The following POLR3GL variants were observed in gnomAD, a reference collection of about 807,000 sequenced individuals.
The protein encoded by POLR3GL is DNA-directed RNA polymerase III subunit RPC7-like.
POLR3GL carries 26 observed loss-of-function variants against 32.4 expected under a neutral mutation model. That is an observed-to-expected ratio of 0.80 (90% CI 0.59 to 1.11). The LOEUF is 1.11. Ranked by LOEUF, POLR3GL falls within the 50% of genes most tolerant of loss-of-function variation. The pLI, the probability that POLR3GL is intolerant of heterozygous loss-of-function variation, is 0.00. For synonymous variants in POLR3GL, 95 were observed against 98.7 expected (o/e 0.96, Z 0.22); for missense variants, 229 against 280.1 (o/e 0.82, Z 1.30).
At chr1:145,966,028 A>C (rs1650003562) in intron 1 of POLR3GL, among the ~76,000 whole-genome samples, 1 of 150,934 alleles carries the variant, frequency 6.6e-6, no homozygotes, top group Admixed American at 6.6e-5. Context: ...AGGCAGGAGA[A>C]TCATTAGAAC....
chr1:145,971,160 G>A (rs1462006087), intron 1 of POLR3GL, among the ~76,000 whole-genome samples: 3 of 138,080 alleles, frequency 2.2e-5, no homozygotes, highest in Admixed American at 7.4e-5. Context: ...CACTCCAGCC[G>A]GGCAACAAGA....
intron 2 of POLR3GL, 94 bp from the exon 3 acceptor site, chr1:145,975,213 C>T: frequency 6.6e-7 from 1 of 1,505,740 alleles, no homozygotes; most frequent in East Asian, 2.3e-5. Flanking sequence ...GCCCTCTGCT[C>T]AGTGGGAGTG....
chr1:145,977,753 G>A (rs370194404), intron 5 of POLR3GL, 25 bp from the exon 6 acceptor site: 10 of 1,611,902 alleles, frequency 6.2e-6, no homozygotes, highest in Middle Eastern at 1.7e-4. Flanking sequence ...CTCTCTGAAG[G>A]TTTACCTTTT....
At chr1:145,972,316 G>A (rs1479790823) in intron 1 of POLR3GL, among the ~76,000 whole-genome samples, 3 of 150,842 alleles carry the variant, frequency 2.0e-5, no homozygotes, top group African/African-American at 7.3e-5. Flanking sequence ...GGAGGTGGAG[G>A]TTGCAGCGAG....
chr1:145,975,320 G>T lies in POLR3GL; in HGVS notation c.140G>T (p.Arg47Leu). ...CTGCCTCTTTAGCCCTTGGAGTTCC[G>T]CCCAGTACCTTTGCCCTCAGGCGAG... ...PSPLFPPLEFRPVPLPSGEEG... is the reference protein window; with the variant it reads ...PSPLFPPLEFLPVPLPSGEEG... The change falls in exon 3 of 8, where the codon CGC (arginine) becomes CTC (leucine). Residue 47 changes from arginine (R) to leucine (L), a missense_variant. Physicochemically the swap from Arg to Leu is moderately radical, Grantham distance 102. Transcript: ENST00000369314. 1 of 1,614,012 alleles carries T rather than the reference G, an allele frequency of 6.2e-7. No homozygotes were observed. The highest frequency in any genetic ancestry group is 8.5e-7 in the Non-Finnish European group (1 of 1,179,908).
intron 1 of POLR3GL, among the ~76,000 whole-genome samples, chr1:145,974,272 G>A (rs1428935442): frequency 6.6e-6 from 1 of 152,170 alleles, no homozygotes; most frequent in African/African-American, 2.4e-5. Context: ...TAAATGTTTC[G>A]CCGAATGCAT....
At chr1:145,970,872 T>C (rs1173435812) in intron 1 of POLR3GL, among the ~76,000 whole-genome samples, 1 of 48,158 alleles carries the variant, frequency 2.1e-5, no homozygotes, top group Non-Finnish European at 3.5e-5. Context: ...CGAAACTCCA[T>C]CTCAAAAAAA....
intron 1 of POLR3GL, among the ~76,000 whole-genome samples, chr1:145,966,483 CAAAAAA>C (rs781955120): frequency 1.7e-5 from 1 of 57,772 alleles, no homozygotes. Flanking sequence ...GAACCTGTCT[CAAAAAA>C]AAAAAAAAAA....
Position 145,974,945 on chromosome 1 carries a change from G to T in POLR3GL, c.80G>T (p.Gly27Val). 6.6e-7 allele frequency: 1 copy of T among 1,519,756 alleles called. No individual in the cohort carries two copies. The highest frequency in any genetic ancestry group is 8.8e-7 in the Non-Finnish European group (1 of 1,139,504). The allele number at this position is 1,519,756 out of a possible 1,614,324, so 94.1% of individuals were successfully genotyped here. A position where few individuals can be genotyped will look rare whatever the true frequency, so the allele number is the denominator to read the frequency against. Residue 27 changes from glycine (G) to valine (V), a missense_variant, in exon 2 of 8, where the codon GGG becomes GTG. Transcript: ENST00000369314. ...FNVEAVGIGK[G>V]DALPPPTLQP... The stretch of plus-strand genomic sequence containing the variant: ...GTGGAGGCCGTGGGCATTGGGAAAG[G>T]GGATGCTTTGCCCCCACCCACCCTG...
intron 5 of POLR3GL, 95 bp from the exon 6 acceptor site, chr1:145,977,678 CACATG>C: frequency 7.5e-7 from 1 of 1,332,846 alleles, no homozygotes; most frequent in Admixed American, 1.7e-5. Context: ...TCATAGTGGC[CACATG>C]AGGGCAGCAG....
At chr1:145,978,181 A>G (rs587665483) in intron 7 of POLR3GL, 85 bp downstream of exon 7, 2 of 1,539,034 alleles carry the variant, frequency 1.3e-6, no homozygotes. Context: ...TGGCATGCCA[A>G]CAGAGATAGT....
intron 1 of POLR3GL, among the ~76,000 whole-genome samples, chr1:145,968,781 C>T (rs966858132): frequency 6.6e-6 from 1 of 152,018 alleles, no homozygotes; most frequent in African/African-American, 2.4e-5. Context: ...CTTTGTTGGT[C>T]AGGCTGGTCT....
At chr1:145,969,747 C>T (rs1419830213) in intron 1 of POLR3GL, among the ~76,000 whole-genome samples, 4 of 150,496 alleles carry the variant, frequency 2.7e-5, no homozygotes, top group African/African-American at 9.7e-5. Context: ...GGGAAAACCC[C>T]CTCTCTACTA....
At chr1:145,976,685 T>TG (rs1650569757) in intron 3 of POLR3GL, among the ~76,000 whole-genome samples, 1 of 150,846 alleles carries the variant, frequency 6.6e-6, no homozygotes, top group Non-Finnish European at 1.5e-5. Context: ...GAGGCCGAGG[T>TG]AGGTGGATCA....
intron 1 of POLR3GL, among the ~76,000 whole-genome samples, chr1:145,970,739 G>T (rs1012607423): frequency 1.3e-5 from 2 of 151,550 alleles, no homozygotes; most frequent in Non-Finnish European, 2.9e-5. Context: ...AGCCGGGCAC[G>T]GTGGCGGGCT....
chr1:145,971,172 C>T (rs1338959216), intron 1 of POLR3GL, among the ~76,000 whole-genome samples: 1 of 89,676 alleles, frequency 1.1e-5, no homozygotes, highest in Non-Finnish European at 1.9e-5. Context: ...GCAACAAGAG[C>T]GAAACTCCAT....
intron 1 of POLR3GL, among the ~76,000 whole-genome samples, chr1:145,971,022 A>G (rs1036454603): frequency 6.6e-6 from 1 of 150,848 alleles, no homozygotes; most frequent in Non-Finnish European, 1.5e-5. Flanking sequence ...CCTCTGTACT[A>G]AAAAAAGTAT....
chr1:145,972,298 T>C (rs1650356883), intron 1 of POLR3GL, among the ~76,000 whole-genome samples: 1 of 150,650 alleles, frequency 6.6e-6, no homozygotes, highest in Non-Finnish European at 1.5e-5. Context: ...GAGAATCTCT[T>C]GAACCCGGGA....
Position 145,971,923 on chromosome 1 carries a change from C to T in POLR3GL, c.-41-2902C>T, listed in dbSNP as rs1200992796. 2.3e-5 allele frequency among the ~76,000 whole-genome samples: 3 copies of T among 129,506 alleles called. No individual in the cohort carries two copies. The East Asian group carries it at 7.1e-4, about 31-fold the overall frequency. The allele number at this position is 129,506 out of a possible 152,430, so 85.0% of individuals were successfully genotyped here. On this transcript the variant is annotated intron_variant, in intron 1 of 7. Coordinates refer to ENST00000369314, the MANE Select transcript of POLR3GL (RefSeq NM_032305.3). ...GAGGTTGCAGTGAGCTGAGATTGCG[C>T]CACTGCACTCCAGCCTGGGTGACAG...
Sources: gnomAD v4.1 joint callset for allele counts (sites outside exome capture counted in the v4.1 genomes callset) on GRCh38, gnomAD v4.1.1 for gene constraint, MANE v1.5 for transcripts, NCBI Gene and HGNC (gene_info 2026-07-23, HGNC 2026-07-21) for gene names.